The following PLCG2 variants were observed in gnomAD, a reference collection of about 807,000 sequenced individuals.
PLCG2 encodes the protein 1-phosphatidylinositol 4,5-bisphosphate phosphodiesterase gamma-2.
In PLCG2, 69 loss-of-function variants were observed where a neutral mutation model predicts 175.6. The observed-to-expected ratio is 0.39, with a 90% CI of 0.32 to 0.48. The LOEUF (loss-of-function observed/expected upper bound fraction) is 0.48. Ranked by LOEUF, PLCG2 falls within the 20% of genes least tolerant of loss-of-function variation. The pLI is 0.91. For synonymous variants in PLCG2, 827 were observed against 624.0 expected (o/e 1.33, Z -4.85); for missense variants, 1,798 against 1,650.9 (o/e 1.09, Z -1.54).
intron 2 of PLCG2, among the ~76,000 whole-genome samples, chr16:81,802,401 C>G (rs188147216): frequency 1.1e-4 from 16 of 151,896 alleles, no homozygotes; most frequent in African/African-American, 1.7e-4. Context: ...CGTGAGCCAC[C>G]GCGCCCGGCC....
rs57992422 is a variant in PLCG2, at chr16:81,839,906, G to C, written c.194-14538G>C. ...TCTCTACTAAAAAGAGAAAACTTAG[G>C]TAGGTGTGATGGTGCATGCCTGTAG... On this transcript the variant is annotated intron_variant, in intron 2 of 32. Coordinates refer to ENST00000564138, the MANE Select transcript of PLCG2 (RefSeq NM_002661.5). Among the ~76,000 whole-genome samples, 1,357 of 152,254 alleles carry C rather than the reference G, an allele frequency of 8.9e-3. 23 individuals are homozygous for C. The highest frequency in any genetic ancestry group is 0.029 in the African/African-American group (1,213 of 41,542).
chr16:81,778,020 A>AC (rs1331995261), upstream of PLCG2, among the ~76,000 whole-genome samples: 29 of 66,676 alleles, frequency 4.3e-4, no homozygotes, highest in South Asian at 7.9e-4. Context: ...TTGTCTCAAA[A>AC]AAAAAAAAAA....
intron 30 of PLCG2, among the ~76,000 whole-genome samples, chr16:81,944,619 T>C (rs4536469): frequency 0.71 from 107,876 of 151,992 alleles, 39,068 homozygotes; most frequent in East Asian, 0.82. Context: ...TGTGCATCAC[T>C]GTGCCCAGCT....
intron 2 of PLCG2, among the ~76,000 whole-genome samples, chr16:81,810,810 C>G (rs928418523): frequency 6.6e-6 from 1 of 152,148 alleles, no homozygotes; most frequent in Admixed American, 6.5e-5. Context: ...GAGACAGGGT[C>G]TTTAATTTCA....
At chr16:81,764,942 A>G (rs1442911111) in intron 2 of PLCG2, among the ~76,000 whole-genome samples, 1 of 152,052 alleles carries the variant, frequency 6.6e-6, no homozygotes, top group African/African-American at 2.4e-5. Context: ...ATAAAAAATT[A>G]GCCGGGCATA....
At chr16:81,778,073 C>T (rs79726200), upstream of PLCG2, among the ~76,000 whole-genome samples, 96 of 72,040 alleles carry the variant, frequency 1.3e-3, 2 homozygotes, top group South Asian at 5.8e-3. Flanking sequence ...ACCAAAAACA[C>T]ACACACACAA....
At chr16:81,892,332 C>G (rs1254446593) in intron 11 of PLCG2, among the ~76,000 whole-genome samples, 1 of 152,154 alleles carries the variant, frequency 6.6e-6, no homozygotes, top group African/African-American at 2.4e-5. Context: ...GATGGTTACT[C>G]TGATTGCAAC....
In PLCG2 at chr16:81,805,783, G is replaced by GTTTTTTTTTT. The variant is rs35014411; in HGVS notation, c.193+19607_193+19616dup. Among the ~76,000 whole-genome samples the GTTTTTTTTTT allele has an allele frequency of 1.9e-3, 155 of 82,838 alleles. 1 individual carries two copies. Among genetic ancestry groups the GTTTTTTTTTT allele is most frequent in the Non-Finnish European group, 2.2e-3 (102 of 45,504 alleles). The allele number at this position is 82,838 out of a possible 152,430, so 54.3% of individuals were successfully genotyped here. On this transcript the variant is annotated intron_variant, in intron 2 of 32. Transcript: ENST00000564138. ...TTTTGTTTTGTTTTTTTTTTTTTTT[G>GTTTTTTTTTT]TTTTTTTTTTTTTTTGCTGTTATTG...
At chr16:81,893,868 C>T (rs1382115382) in intron 12 of PLCG2, 74 bp downstream of exon 12, 1 of 917,702 alleles carries the variant, frequency 1.1e-6, no homozygotes. Context: ...TCCATGTTTT[C>T]TTTCGAATTG....
chr16:81,846,859 C>G (rs12932636), intron 2 of PLCG2, among the ~76,000 whole-genome samples: 18,602 of 152,178 alleles, frequency 0.12, 1,292 homozygotes, highest in Non-Finnish European at 0.16. Context: ...TTCCTCTTCC[C>G]TCTGTACTCA....
Position 81,910,501 on chromosome 16 carries a change from T to C in PLCG2, c.1734-19T>C. 1.9e-6 allele frequency: 3 copies of C among 1,612,314 alleles called. No homozygotes were observed. The highest frequency in any genetic ancestry group is 1.7e-4 in the Middle Eastern group (1 of 6,060). On this transcript the variant is annotated intron_variant, in intron 17 of 32. Coordinates refer to ENST00000564138, the MANE Select transcript of PLCG2 (RefSeq NM_002661.5). ...CTGGCCTGCGTTCTCCCAGCACTGA[T>C]GGCGTCCTCTCCCCGCAGGCGGTCA...
chr16:81,808,815 G>A (rs374894568), intron 2 of PLCG2, among the ~76,000 whole-genome samples: 2 of 152,158 alleles, frequency 1.3e-5, no homozygotes, highest in African/African-American at 4.8e-5. Flanking sequence ...TCTTGAGCAA[G>A]CTCCATAGCC....
At chr16:81,833,380 CG>C (rs1905349646) in intron 2 of PLCG2, among the ~76,000 whole-genome samples, 1 of 151,980 alleles carries the variant, frequency 6.6e-6, no homozygotes, top group South Asian at 2.1e-4. Context: ...GGTCGGTACA[CG>C]GGTCCTGAGC....
At chr16:81,936,417 G>C in intron 27 of PLCG2, 39 bp downstream of exon 27, 1 of 1,555,856 alleles carries the variant, frequency 6.4e-7, no homozygotes, top group Non-Finnish European at 8.9e-7. Flanking sequence ...CCTGCAAGGT[G>C]GCGGTTGCAG....
chr16:81,871,360 A>T (rs573924991), intron 7 of PLCG2, among the ~76,000 whole-genome samples: 1 of 152,278 alleles, frequency 6.6e-6, no homozygotes, highest in African/African-American at 2.4e-5. Flanking sequence ...TTGTTTTGAG[A>T]TAGAGTCTCA....
At chr16:81,751,957 G>T (rs1260727811) in intron 1 of PLCG2, among the ~76,000 whole-genome samples, 1 of 152,052 alleles carries the variant, frequency 6.6e-6, no homozygotes, top group African/African-American at 2.4e-5. Context: ...GGGAGGCGGA[G>T]GTTGCAGTGA....
chr16:81,741,322 C>G (rs1220490172), intron 1 of PLCG2, among the ~76,000 whole-genome samples: 1 of 152,208 alleles, frequency 6.6e-6, no homozygotes, highest in Non-Finnish European at 1.5e-5. Flanking sequence ...GTGACTTGTT[C>G]AAGCTCACAC....
At chr16:81,854,307 C>A in intron 2 of PLCG2, 137 bp from the exon 3 acceptor site, 1 of 772,324 alleles carries the variant, frequency 1.3e-6, no homozygotes. Flanking sequence ...GACACTGAGT[C>A]CAGACGCAGA....
chr16:81,791,800 C>T (rs763474173), intron 2 of PLCG2, among the ~76,000 whole-genome samples: 17 of 152,098 alleles, frequency 1.1e-4, no homozygotes, highest in Non-Finnish European at 2.1e-4. Flanking sequence ...CCTGACCTCT[C>T]GTGATCTGCC....
Sources: gnomAD v4.1 joint callset for allele counts (sites outside exome capture counted in the v4.1 genomes callset) on GRCh38, gnomAD v4.1.1 for gene constraint, MANE v1.5 for transcripts, NCBI Gene and HGNC (gene_info 2026-07-23, HGNC 2026-07-21) for gene names.